Variants in HORMAD2 observed in about 807,000 individuals in gnomAD.
HORMAD2 encodes HORMA domain-containing protein 2.
HORMAD2 carries 45 observed loss-of-function variants against 38.8 expected under a neutral mutation model. The observed-to-expected ratio is 1.16, with a 90% CI of 0.91 to 1.49. The LOEUF (loss-of-function observed/expected upper bound fraction) is 1.49. Among genes scored for constraint, HORMAD2 ranks in the 40% most tolerant of loss-of-function variants. HORMAD2 has a pLI of 0.00. For missense variants in HORMAD2, 338 were observed against 367.0 expected, an observed-to-expected ratio of 0.92 and a Z score of 0.65; for synonymous variants, 126 against 122.8, an observed-to-expected ratio of 1.03 and a Z score of -0.17.
the HORMAD2 span, among the ~76,000 whole-genome samples, chr22:30,187,445 G>T: frequency 1.3e-5 from 2 of 151,486 alleles, no homozygotes; most frequent in Non-Finnish European, 2.9e-5. Context: ...AATAAGAAAA[G>T]CACAAAGAAG....
chr22:30,108,072 T>C (rs540712182), intron 5 of HORMAD2, among the ~76,000 whole-genome samples: 21 of 152,140 alleles, frequency 1.4e-4, no homozygotes, highest in Non-Finnish European at 5.9e-5. Flanking sequence ...GGTTTCAATT[T>C]TGGGTGATTT....
chr22:30,195,530 G>A, the HORMAD2 span, among the ~76,000 whole-genome samples: 1 of 152,190 alleles, frequency 6.6e-6, no homozygotes, highest in African/African-American at 2.4e-5. Flanking sequence ...CCTCAGGCCT[G>A]CACACTGCCT....
intron 3 of HORMAD2, 108 bp downstream of exon 3, chr22:30,099,101 T>A: frequency 1.1e-6 from 1 of 927,616 alleles, no homozygotes; most frequent in Non-Finnish European, 1.5e-6. Context: ...CTTAAGGGCC[T>A]GTTCTTCAAG....
At chr22:30,137,287 G>T in intron 10 of HORMAD2, 1 of 533,152 alleles carries the variant, frequency 1.9e-6, no homozygotes, top group Non-Finnish European at 3.6e-6. Context: ...GAGGCCATCA[G>T]ATGCAATTTT....
chr22:30,136,617 CT>C (rs58205669), intron 10 of HORMAD2: 12,459 of 147,324 alleles, frequency 0.085, 587 homozygotes, highest in African/African-American at 0.11. Context: ...TTTTCTTCTT[CT>C]TTTTTTTTTT....
At chr22:30,185,607 T>C in the HORMAD2 span, among the ~76,000 whole-genome samples, 2 of 152,208 alleles carry the variant, frequency 1.3e-5, no homozygotes, top group Non-Finnish European at 2.9e-5. Flanking sequence ...TCTAACATAG[T>C]TCTAGCTAAA....
At chr22:30,162,570 C>T (rs912825306) in intron 10 of HORMAD2, among the ~76,000 whole-genome samples, 6 of 151,686 alleles carry the variant, frequency 4.0e-5, no homozygotes, top group South Asian at 2.1e-4. Flanking sequence ...TTAATTTCAT[C>T]GTTTCTTCTT....
chr22:30,191,049 G>A, the HORMAD2 span, among the ~76,000 whole-genome samples: 4 of 152,166 alleles, frequency 2.6e-5, no homozygotes, highest in African/African-American at 9.7e-5. Flanking sequence ...GGGAGGAGAG[G>A]CCAGTGCCAG....
At chr22:30,155,557 C>T (rs973724057) in intron 10 of HORMAD2, among the ~76,000 whole-genome samples, 4 of 152,072 alleles carry the variant, frequency 2.6e-5, no homozygotes, top group African/African-American at 9.7e-5. Context: ...TGGAATCAGC[C>T]ATTTCTTCAA....
intron 10 of HORMAD2, among the ~76,000 whole-genome samples, chr22:30,138,355 A>G (rs1011575458): frequency 1.3e-5 from 2 of 151,086 alleles, no homozygotes; most frequent in African/African-American, 4.9e-5. Flanking sequence ...TTTTGTGGAG[A>G]TGGGGTCTCG....
At chr22:30,155,087 A>G (rs1299501941) in intron 10 of HORMAD2, among the ~76,000 whole-genome samples, 2 of 151,788 alleles carry the variant, frequency 1.3e-5, no homozygotes, top group African/African-American at 4.8e-5. Flanking sequence ...AAAAAAAAAA[A>G]AAAAAGAAAG....
chr22:30,121,495 A>G, intron 8 of HORMAD2, 137 bp from the exon 9 acceptor site: 1 of 629,418 alleles, frequency 1.6e-6, no homozygotes, highest in Non-Finnish European at 2.5e-6. Context: ...TCGCTCCCCT[A>G]ATTTACATTC....
At chr22:30,141,076 C>A (rs1425461885) in intron 10 of HORMAD2, among the ~76,000 whole-genome samples, 1 of 152,152 alleles carries the variant, frequency 6.6e-6, no homozygotes, top group Non-Finnish European at 1.5e-5. Flanking sequence ...CGGCTCACTG[C>A]AACCTCTGCC....
Position 30,176,586 on chromosome 22 carries a change from C to A in HORMAD2, c.*419C>A, listed in dbSNP as rs1393587493. ...CCTGTATACTGGAATCCCTCTCTAG[C>A]TGTATTAAAAATTCCCACAGAGTTG... On this transcript the variant is annotated 3_prime_UTR_variant, in exon 11 of 11. Transcript: ENST00000336726. The A allele has an allele frequency of 6.4e-6, 1 of 157,346 alleles. No homozygotes were observed. Among genetic ancestry groups the A allele is most frequent in the Non-Finnish European group, 1.4e-5 (1 of 70,934 alleles). 9.7% of individuals were successfully genotyped at this position (157,346 alleles called of 1,614,324 possible).
intron 10 of HORMAD2, among the ~76,000 whole-genome samples, chr22:30,166,119 A>T (rs1925765748): frequency 6.7e-6 from 1 of 149,872 alleles, no homozygotes; most frequent in African/African-American, 2.5e-5. Flanking sequence ...AAGTTCCAAC[A>T]GACATATTAT....
intron 8 of HORMAD2, among the ~76,000 whole-genome samples, chr22:30,121,006 A>T (rs1281210995): frequency 1.3e-5 from 2 of 152,216 alleles, no homozygotes; most frequent in East Asian, 3.8e-4. Flanking sequence ...ATAATAGAAG[A>T]ATTCTAAGTA....
intron 1 of HORMAD2, among the ~76,000 whole-genome samples, chr22:30,084,912 G>A (rs562980272): frequency 1.3e-5 from 2 of 152,122 alleles, no homozygotes; most frequent in African/African-American, 4.8e-5. Context: ...TTGGGAGGCC[G>A]AGGCGGGCGG....
chr22:30,099,078 G>A (rs1920927689), intron 3 of HORMAD2, 85 bp downstream of exon 3: 1 of 1,220,490 alleles, frequency 8.2e-7, no homozygotes, highest in African/African-American at 1.5e-5. Context: ...CTCACAAAGT[G>A]TGCTAATTCC....
At chr22:30,093,595 C>T (rs2068729958) in intron 1 of HORMAD2, among the ~76,000 whole-genome samples, 1 of 152,032 alleles carries the variant, frequency 6.6e-6, no homozygotes. Flanking sequence ...ACTTATTTCC[C>T]AATGAGTATG....
Sources: gnomAD v4.1 joint callset for allele counts (sites outside exome capture counted in the v4.1 genomes callset) on GRCh38, gnomAD v4.1.1 for gene constraint, MANE v1.5 for transcripts, NCBI Gene and HGNC (gene_info 2026-07-23, HGNC 2026-07-21) for gene names.